The following XIRP2 variants were observed in gnomAD, a reference collection of about 807,000 sequenced individuals.
XIRP2 encodes the protein xin actin binding repeat containing 2.
A neutral mutation model predicts 277.0 loss-of-function variants in XIRP2; 236 were observed. The observed-to-expected ratio is 0.85, with a 90% CI of 0.77 to 0.95. The LOEUF (loss-of-function observed/expected upper bound fraction) is 0.95, where lower values mean the gene tolerates loss of function less well. Ranked by LOEUF, XIRP2 falls within the 40% of genes least tolerant of loss-of-function variation. The pLI, the probability that XIRP2 is intolerant of heterozygous loss-of-function variation, is 0.00. For synonymous variants in XIRP2, 1,490 were observed against 1,416.5 expected (o/e 1.05, Z -1.17); for missense variants, 4,640 against 4,157.5 (o/e 1.12, Z -3.19).
At position 166,936,021 on chromosome 2, in the gene XIRP2, C is replaced by A. The variant is rs191279400; in HGVS notation, c.408+32131C>A. 2.0e-3 allele frequency among the ~76,000 whole-genome samples: 302 copies of A among 152,304 alleles called. 1 individual carries two copies. The highest frequency in any genetic ancestry group is 6.9e-3 in the African/African-American group (286 of 41,568). On this transcript the variant is annotated intron_variant, in intron 2 of 10. Transcript: ENST00000409195. ...CCAAATGGTTGAACCAGTTTGCAGT[C>A]CCACCAACAGTGTAAAAGTGTTCCT...
chr2:166,956,358 A>G (rs866767259), intron 2 of XIRP2, among the ~76,000 whole-genome samples: 16 of 151,962 alleles, frequency 1.1e-4, no homozygotes, highest in African/African-American at 1.9e-4. Context: ...AATTTGAACT[A>G]TATCTTAGGA....
At position 167,235,246 on chromosome 2, in the gene XIRP2, G is replaced by A. The variant is rs149177226; in HGVS notation, c.859-4609G>A. On this transcript the variant is annotated intron_variant, in intron 5 of 10. Transcript: ENST00000409195. ...GAACTGCACATATTTTTCCATAGATGTTCTGATCTATGAACATCTGTGAAG... is the reference window on the plus strand; with the variant it reads ...GAACTGCACATATTTTTCCATAGATATTCTGATCTATGAACATCTGTGAAG... Among the ~76,000 whole-genome samples the A allele has an allele frequency of 7.4e-3, 1,126 of 151,818 alleles. 9 individuals are homozygous for A. The highest frequency in any genetic ancestry group is 0.011 in the Admixed American group (173 of 15,226).
chr2:167,148,934 TTGAAAAA>T (rs1422072016), intron 3 of XIRP2, among the ~76,000 whole-genome samples: 3 of 151,838 alleles, frequency 2.0e-5, no homozygotes, highest in African/African-American at 7.3e-5. Context: ...TGGTAGAACT[TTGAAAAA>T]TCAGATAGAT....
chr2:167,126,817 G>A (rs1003905368), intron 2 of XIRP2, among the ~76,000 whole-genome samples: 1 of 152,088 alleles, frequency 6.6e-6, no homozygotes, highest in Non-Finnish European at 1.5e-5. Context: ...GTCCTGCTGT[G>A]AACCTCACTG....
At position 166,943,791 on chromosome 2, in the gene XIRP2, G is replaced by A. The variant is rs988811550; in HGVS notation, c.408+39901G>A. On this transcript the variant is annotated intron_variant, in intron 2 of 10. Coordinates refer to ENST00000409195, the MANE Select transcript of XIRP2 (RefSeq NM_152381.6). ...CTTCCTTTTCACTTTTTCACCAGTTGTTCCCCCAAGAGAAGGGCTGGATCA... is the reference window on the plus strand; with the variant it reads ...CTTCCTTTTCACTTTTTCACCAGTTATTCCCCCAAGAGAAGGGCTGGATCA... Among the ~76,000 whole-genome samples the A allele has an allele frequency of 2.6e-5, 4 of 152,146 alleles. No individual in the cohort carries two copies. In the East Asian group the frequency reaches 7.7e-4, roughly 29 times the overall value.
chr2:166,913,220 A>T (rs1288724759), intron 2 of XIRP2, among the ~76,000 whole-genome samples: 1 of 152,118 alleles, frequency 6.6e-6, no homozygotes, highest in Non-Finnish European at 1.5e-5. Context: ...CTACAGAGGC[A>T]GGCAGGCCTC....
At chr2:166,922,964 AT>A (rs1685094412) in intron 2 of XIRP2, among the ~76,000 whole-genome samples, 1 of 151,904 alleles carries the variant, frequency 6.6e-6, no homozygotes, top group South Asian at 2.1e-4. Flanking sequence ...TCATCACTGG[AT>A]AAAAACAAGG....
intron 2 of XIRP2, among the ~76,000 whole-genome samples, chr2:166,904,120 C>A (rs1393900420): frequency 1.3e-5 from 2 of 152,086 alleles, no homozygotes; most frequent in East Asian, 3.9e-4. Flanking sequence ...TATTGATATG[C>A]CCTCTTATGT....
At chr2:167,077,683 A>G (rs116602920) in intron 2 of XIRP2, among the ~76,000 whole-genome samples, 2,465 of 152,330 alleles carry the variant, frequency 0.016, 27 homozygotes, top group African/African-American at 0.025. Flanking sequence ...TCTACCATAC[A>G]GAACAGCAAG....
chr2:167,158,471 A>G (rs930718858), intron 3 of XIRP2, among the ~76,000 whole-genome samples: 1 of 152,196 alleles, frequency 6.6e-6, no homozygotes, highest in African/African-American at 2.4e-5. Flanking sequence ...ACATTTATCA[A>G]GCTCCTCAGA....
chr2:167,162,823 A>C (rs943597487), intron 3 of XIRP2, among the ~76,000 whole-genome samples: 1 of 152,044 alleles, frequency 6.6e-6, no homozygotes, highest in Admixed American at 6.6e-5. Context: ...CCAGTCAGTC[A>C]CTCCCAGCCC....
At chr2:167,118,085 T>G (rs942432347) in intron 2 of XIRP2, among the ~76,000 whole-genome samples, 5 of 152,144 alleles carry the variant, frequency 3.3e-5, no homozygotes, top group African/African-American at 2.4e-5. Flanking sequence ...CAAAAATTAA[T>G]GTTGAAATTT....
chr2:167,207,635 TG>T (rs1405483456), intron 3 of XIRP2, among the ~76,000 whole-genome samples: 1 of 152,222 alleles, frequency 6.6e-6, no homozygotes, highest in Non-Finnish European at 1.5e-5. Context: ...AGATTTAGTT[TG>T]TTTTTAAAAA....
chr2:167,044,468 A>G (rs913755602), intron 2 of XIRP2, among the ~76,000 whole-genome samples: 4 of 152,154 alleles, frequency 2.6e-5, no homozygotes, highest in East Asian at 1.9e-4. Flanking sequence ...AAATAGGAAG[A>G]GAGGCAGTCA....
chr2:167,000,170 A>G lies in XIRP2; in HGVS notation c.408+96280A>G, dbSNP rs545001392. On this transcript the variant is annotated intron_variant, in intron 2 of 10. Transcript: ENST00000409195. ...AATATTTGCTAGGGAATATTAGAGA[A>G]CATATCACTGATGAAATTGAAAGTA... Among the ~76,000 whole-genome samples, 4 of 152,294 alleles carry G rather than the reference A, an allele frequency of 2.6e-5. No individual in the cohort carries two copies. The East Asian group carries it at 7.7e-4, about 29-fold the overall frequency.
chr2:166,978,981 T>C (rs562883880), intron 2 of XIRP2, among the ~76,000 whole-genome samples: 2 of 152,176 alleles, frequency 1.3e-5, no homozygotes, highest in African/African-American at 4.8e-5. Flanking sequence ...AAAAAAAGAA[T>C]AAAAGCTTTT....
At chr2:167,208,008 GCTTT>G (rs2105385856) in intron 3 of XIRP2, among the ~76,000 whole-genome samples, 1 of 152,194 alleles carries the variant, frequency 6.6e-6, no homozygotes, top group Non-Finnish European at 1.5e-5. Context: ...ATAAATGCAT[GCTTT>G]CTATGTTTAG....
chr2:167,205,314 A>G (rs897559679), intron 3 of XIRP2, among the ~76,000 whole-genome samples: 7 of 152,200 alleles, frequency 4.6e-5, no homozygotes, highest in African/African-American at 1.7e-4. Context: ...GAGAATGAAT[A>G]TAAATAAACC....
At chr2:167,121,376 C>T (rs1044420993) in intron 2 of XIRP2, among the ~76,000 whole-genome samples, 2 of 151,950 alleles carry the variant, frequency 1.3e-5, no homozygotes, top group Admixed American at 1.3e-4. Context: ...TGGGTTATTT[C>T]ATTTTCAAAA....
Sources: allele counts gnomAD v4.1 joint callset (sites outside exome capture counted in the v4.1 genomes callset), GRCh38; gene constraint gnomAD v4.1.1; transcripts MANE v1.5; gene names NCBI Gene and HGNC (gene_info 2026-07-23, HGNC 2026-07-21).